Variants in DNAH8 observed in about 807,000 individuals in gnomAD.
DNAH8 encodes the protein axonemal beta dynein heavy chain 8.
In DNAH8, 382 loss-of-function variants were observed where a neutral mutation model predicts 562.1. The observed-to-expected ratio is 0.68, with a 90% CI of 0.63 to 0.74. DNAH8 has a LOEUF of 0.74. Ranked by LOEUF, DNAH8 falls within the 30% of genes least tolerant of loss-of-function variation. The pLI, the probability that DNAH8 is intolerant of heterozygous loss-of-function variation, is 0.00. For synonymous variants in DNAH8, 1,881 were observed against 1,919.4 expected (o/e 0.98, Z 0.52); for missense variants, 5,203 against 5,620.4 (o/e 0.93, Z 2.37).
chr6:38,967,692 A>G (rs1234441735), intron 82 of DNAH8, among the ~76,000 whole-genome samples: 1 of 152,158 alleles, frequency 6.6e-6, no homozygotes, highest in Non-Finnish European at 1.5e-5. Flanking sequence ...AAATGCCAGT[A>G]CTCATCTAAT....
At chr6:38,776,020 T>G in intron 13 of DNAH8, 69 bp downstream of exon 13, 2 of 959,260 alleles carry the variant, frequency 2.1e-6, no homozygotes, top group South Asian at 3.0e-5. Context: ...TGGTACTTTT[T>G]GTAAATATTC....
In DNAH8 at chr6:38,890,664, G is replaced by A; in HGVS notation, c.8486G>A (p.Cys2829Tyr). ...SIDKIFGIIG[C>Y]GYFDPCRSFK... Reference sequence around the variant, plus strand: ...GCTTATCTTTCAGGAATTATTGGATGTGGATACTTTGATCCTTGTAGAAGT... The same window carrying A: ...GCTTATCTTTCAGGAATTATTGGATATGGATACTTTGATCCTTGTAGAAGT... Residue 2829 changes from cysteine to tyrosine, a missense_variant, in exon 58 of 93, where the codon TGT (cysteine) becomes TAT (tyrosine). Cys to Tyr is a radical substitution (Grantham distance 194). Transcript: ENST00000327475. 1 of 1,610,626 alleles carries A rather than the reference G, an allele frequency of 6.2e-7. No individual in the cohort carries two copies. The highest frequency in any genetic ancestry group is 1.7e-4 in the Middle Eastern group (1 of 6,050).
At position 38,912,630 on chromosome 6, in the gene DNAH8, C is replaced by T. The variant is rs187562189; in HGVS notation, c.9859+1044C>T. Among the ~76,000 whole-genome samples the T allele has an allele frequency of 1.2e-4, 19 of 152,270 alleles. 1 individual carries two copies. Among genetic ancestry groups the T allele is most frequent in the Non-Finnish European group, 2.2e-4 (15 of 68,022 alleles). ...TATGATGCTTTAGATCAGTAGTGTG[C>T]TGAAGCCAACTCATAGTGGCTTTTG... is the stretch of plus-strand genomic sequence containing the variant. On this transcript the variant is annotated intron_variant, in intron 66 of 92. Coordinates refer to ENST00000327475, the MANE Select transcript of DNAH8 (RefSeq NM_001206927.2).
rs1212503364 is a variant in DNAH8, at chr6:38,822,830, GT to G, written c.3524-4del. The G allele has an allele frequency of 6.4e-7, 1 of 1,559,356 alleles. No homozygotes were observed. The highest frequency in any genetic ancestry group is 2.3e-5 in the East Asian group (1 of 44,176). On this transcript the variant is annotated splice_polypyrimidine_tract_variant and splice_region_variant and intron_variant, in intron 26 of 92. Transcript: ENST00000327475. ...AGTTATTTATAGTGTAAAAACATCT[GT>G]TTTCAGGATCTTTTGAAGAAGCTAT...
chr6:38,902,301 C>T (rs935232279), intron 62 of DNAH8, among the ~76,000 whole-genome samples: 2 of 152,100 alleles, frequency 1.3e-5, no homozygotes, highest in African/African-American at 2.4e-5. Context: ...CCAACCAATC[C>T]AGAGTCCTTA....
intron 65 of DNAH8, 30 bp from the exon 66 acceptor site, chr6:38,911,438 G>A: frequency 6.7e-7 from 1 of 1,497,846 alleles, no homozygotes; most frequent in South Asian, 1.1e-5. Flanking sequence ...CACAATGATT[G>A]AAATGGTCCT....
chr6:38,870,639 A>G, intron 49 of DNAH8, 77 bp downstream of exon 49: 8 of 1,373,080 alleles, frequency 5.8e-6, no homozygotes, highest in Non-Finnish European at 8.0e-6. Flanking sequence ...AAAAACTCAT[A>G]GTTAGTCTTA....
intron 11 of DNAH8, among the ~76,000 whole-genome samples, chr6:38,768,542 G>A (rs886433351): frequency 1.3e-5 from 2 of 151,738 alleles, no homozygotes; most frequent in African/African-American, 4.8e-5. Flanking sequence ...TGGGATTACA[G>A]GCATGAGCCA....
At chr6:38,768,507 C>G (rs1767241980) in intron 11 of DNAH8, among the ~76,000 whole-genome samples, 1 of 152,056 alleles carries the variant, frequency 6.6e-6, no homozygotes. Flanking sequence ...CTTAAGCCAT[C>G]ATCTGCCTTG....
At chr6:38,977,635 T>C (rs1297689021) in intron 85 of DNAH8, among the ~76,000 whole-genome samples, 1 of 152,174 alleles carries the variant, frequency 6.6e-6, no homozygotes, top group African/African-American at 2.4e-5. Flanking sequence ...AAGCCCACAT[T>C]CACCCTTTGG....
At chr6:38,992,719 T>A (rs1764877647) in intron 88 of DNAH8, among the ~76,000 whole-genome samples, 1 of 152,172 alleles carries the variant, frequency 6.6e-6, no homozygotes, top group African/African-American at 2.4e-5. Flanking sequence ...CACTGCAGGC[T>A]GTTTCACTCA....
At chr6:38,748,377 G>T (rs1157973331) in intron 8 of DNAH8, among the ~76,000 whole-genome samples, 1 of 152,170 alleles carries the variant, frequency 6.6e-6, no homozygotes, top group African/African-American at 2.4e-5. Context: ...ATCCAAGAAG[G>T]TCTTCAGTGG....
Position 38,715,921 on chromosome 6 carries a change from A to AATAAATAAATAAATAAATAAATAT in DNAH8, c.-35+513_-35+514insAATAAATAAATAAATATATAAATA, listed in dbSNP as rs1762252543. 1.2e-4 allele frequency among the ~76,000 whole-genome samples: 5 copies of AATAAATAAATAAATAAATAAATAT among 43,430 alleles called. 1 individual carries two copies. Among genetic ancestry groups the AATAAATAAATAAATAAATAAATAT allele is most frequent in the African/African-American group, 6.9e-4 (5 of 7,296 alleles). The allele number at this position is 43,430 out of a possible 152,430, so 28.5% of individuals were successfully genotyped here. ...AGCTATTAAAATAAATAAATAAATAAATAAATATATATATATATATATATA... is the reference window on the plus strand; with the variant it reads ...AGCTATTAAAATAAATAAATAAATAAATAAATAAATAAATAAATAAATATATAAATATATATATATATATATATA... On this transcript the variant is annotated intron_variant, in intron 1 of 92. Transcript: ENST00000327475.
chr6:38,748,362 T>A (rs957708434), intron 8 of DNAH8, among the ~76,000 whole-genome samples: 5 of 152,206 alleles, frequency 3.3e-5, no homozygotes, highest in African/African-American at 1.2e-4. Flanking sequence ...GATGACAATG[T>A]AAAGATCCAA....
rs1776683591 is a variant in DNAH8, at chr6:38,862,146, G to T, written c.6132-134G>T. The T allele has an allele frequency of 4.3e-6, 3 of 701,066 alleles. No individual in the cohort carries two copies. The South Asian group carries it at 7.0e-5, about 16-fold the overall frequency. The allele number at this position is 701,066 out of a possible 1,614,324, so 43.4% of individuals were successfully genotyped here. ...AATATCAAGTACCCTAACCTTGTTT[G>T]TTCACTTCTTTTATGTGGGCTACTC... On this transcript the variant is annotated intron_variant, in intron 43 of 92. Transcript: ENST00000327475.
At chr6:38,844,620 C>T (rs1775133546) in intron 35 of DNAH8, among the ~76,000 whole-genome samples, 1 of 152,170 alleles carries the variant, frequency 6.6e-6, no homozygotes, top group Non-Finnish European at 1.5e-5. Flanking sequence ...TATACAATTT[C>T]AAGTAATTCC....
intron 8 of DNAH8, among the ~76,000 whole-genome samples, chr6:38,747,769 T>C (rs1429622322): frequency 6.6e-6 from 1 of 152,258 alleles, no homozygotes; most frequent in Non-Finnish European, 1.5e-5. Context: ...TAACAATTCC[T>C]ATGTTTTCAT....
chr6:38,732,277 A>G (rs1021368513), intron 4 of DNAH8, among the ~76,000 whole-genome samples: 5 of 152,180 alleles, frequency 3.3e-5, no homozygotes, highest in African/African-American at 1.2e-4. Context: ...GGAAAACTTA[A>G]GCTTGTCTTA....
chr6:38,939,561 G>A (rs1783265009), intron 79 of DNAH8, among the ~76,000 whole-genome samples: 1 of 152,178 alleles, frequency 6.6e-6, no homozygotes, highest in Admixed American at 6.5e-5. Flanking sequence ...TCAGAATGGG[G>A]ATAAAGATAA....
Sources: gnomAD v4.1 joint callset for allele counts (sites outside exome capture counted in the v4.1 genomes callset) on GRCh38, gnomAD v4.1.1 for gene constraint, MANE v1.5 for transcripts, NCBI Gene and HGNC (gene_info 2026-07-23, HGNC 2026-07-21) for gene names.